The following CCSER1 variants were observed in gnomAD, a reference collection of about 807,000 sequenced individuals.
CCSER1 encodes the protein serine-rich coiled-coil domain-containing protein 1.
A neutral mutation model predicts 82.0 loss-of-function variants in CCSER1; 41 were observed. The observed-to-expected ratio is 0.50, with a 90% CI of 0.39 to 0.65. The LOEUF (loss-of-function observed/expected upper bound fraction) is 0.65. CCSER1 is among the 30% of genes least tolerant of loss of function. The probability of loss-of-function intolerance (pLI) is 0.00; values close to 1 mark genes in which losing one functional copy is unlikely to be tolerated. For synonymous variants in CCSER1, 414 were observed against 383.9 expected, an observed-to-expected ratio of 1.08 and a Z score of -0.92; for missense variants, 1,119 against 1,064.2, an observed-to-expected ratio of 1.05 and a Z score of -0.72.
chr4:91,087,523 TTTAAA>T (rs776323735), intron 10 of CCSER1, among the ~76,000 whole-genome samples: 3 of 152,140 alleles, frequency 2.0e-5, no homozygotes, highest in Non-Finnish European at 4.4e-5. Context: ...GTAAAATGTG[TTTAAA>T]TTAATTTTAG....
intron 5 of CCSER1, among the ~76,000 whole-genome samples, chr4:90,552,912 AAGAGT>A (rs1300687329): frequency 1.3e-5 from 2 of 152,222 alleles, no homozygotes; most frequent in African/African-American, 4.8e-5. Flanking sequence ...ATTTAACTTA[AAGAGT>A]AATCTCTGAA....
intron 5 of CCSER1, among the ~76,000 whole-genome samples, chr4:90,546,835 C>T (rs1776821827): frequency 6.6e-6 from 1 of 152,046 alleles, no homozygotes; most frequent in Admixed American, 6.6e-5. Context: ...TACTACAATA[C>T]ATCAGCAAAT....
intron 4 of CCSER1, among the ~76,000 whole-genome samples, chr4:90,455,948 A>C (rs911186127): frequency 7.9e-5 from 12 of 152,114 alleles, no homozygotes; most frequent in African/African-American, 2.7e-4. Context: ...TAAACTTGGG[A>C]CAAAAAAATG....
intron 10 of CCSER1, among the ~76,000 whole-genome samples, chr4:91,453,415 A>G (rs1056555687): frequency 6.6e-6 from 1 of 152,006 alleles, no homozygotes; most frequent in East Asian, 1.9e-4. Flanking sequence ...GGGTCTCTCA[A>G]GACTGCTTCC....
At chr4:90,525,180 G>C (rs1436410462) in intron 5 of CCSER1, among the ~76,000 whole-genome samples, 2 of 151,862 alleles carry the variant, frequency 1.3e-5, no homozygotes, top group African/African-American at 2.4e-5. Context: ...AATAAAAACA[G>C]TGCTTAAAAT....
At chr4:90,216,096 A>G (rs760479227) in intron 1 of CCSER1, among the ~76,000 whole-genome samples, 3 of 152,202 alleles carry the variant, frequency 2.0e-5, no homozygotes, top group African/African-American at 4.8e-5. Context: ...AACTTTTTAT[A>G]TAACACAGAC....
At chr4:90,401,337 A>C (rs1304320730) in intron 4 of CCSER1, among the ~76,000 whole-genome samples, 3 of 152,196 alleles carry the variant, frequency 2.0e-5, no homozygotes, top group Non-Finnish European at 4.4e-5. Flanking sequence ...ATTCTATGAT[A>C]CTGGCAAAAG....
chr4:90,617,064 T>G (rs1045103352), intron 5 of CCSER1, among the ~76,000 whole-genome samples: 1 of 152,186 alleles, frequency 6.6e-6, no homozygotes, highest in Non-Finnish European at 1.5e-5. Context: ...AAAGGTGACA[T>G]AATTTAAAAT....
At chr4:91,404,228 T>G (rs1049525162) in intron 10 of CCSER1, among the ~76,000 whole-genome samples, 3 of 152,092 alleles carry the variant, frequency 2.0e-5, no homozygotes, top group African/African-American at 7.2e-5. Flanking sequence ...TATTTCTGTG[T>G]GATCGGTGGT....
chr4:91,518,764 A>C (rs1056647549), intron 10 of CCSER1, among the ~76,000 whole-genome samples: 1 of 152,192 alleles, frequency 6.6e-6, no homozygotes, highest in South Asian at 2.1e-4. Context: ...TGGCAGTGGC[A>C]GAAGGGTTGT....
intron 9 of CCSER1, among the ~76,000 whole-genome samples, chr4:90,948,107 G>T (rs34473363): frequency 0.073 from 11,136 of 151,852 alleles, 396 homozygotes; most frequent in Middle Eastern, 0.099. Context: ...AGTGTTGAGT[G>T]TAAAGTGAAA....
intron 10 of CCSER1, among the ~76,000 whole-genome samples, chr4:91,357,121 C>A (rs1009696312): frequency 1.3e-5 from 2 of 152,120 alleles, no homozygotes; most frequent in African/African-American, 4.8e-5. Context: ...CTTTCTTGAT[C>A]CTCTAGTAAA....
intron 10 of CCSER1, among the ~76,000 whole-genome samples, chr4:91,230,553 A>C (rs1465987277): frequency 6.6e-6 from 1 of 152,050 alleles, no homozygotes; most frequent in Admixed American, 6.6e-5. Context: ...AGATTTTTAA[A>C]ATTACTTTTT....
At chr4:91,248,428 A>G (rs566621508) in intron 10 of CCSER1, among the ~76,000 whole-genome samples, 2 of 152,342 alleles carry the variant, frequency 1.3e-5, no homozygotes, top group South Asian at 4.1e-4. Flanking sequence ...ATGTCAACAT[A>G]AACAACGTTG....
intron 10 of CCSER1, among the ~76,000 whole-genome samples, chr4:91,266,603 G>A (rs1310665215): frequency 6.6e-6 from 1 of 152,102 alleles, no homozygotes; most frequent in Non-Finnish European, 1.5e-5. Flanking sequence ...CAAGAAAGAG[G>A]AAGAGAGGCA....
intron 10 of CCSER1, among the ~76,000 whole-genome samples, chr4:91,461,386 G>A (rs982850981): frequency 4.6e-5 from 7 of 152,126 alleles, no homozygotes; most frequent in African/African-American, 1.7e-4. Context: ...GAAGTTAGTA[G>A]AGTACCTAAG....
At chr4:90,976,380 A>C (rs1226696031) in intron 9 of CCSER1, among the ~76,000 whole-genome samples, 1 of 151,298 alleles carries the variant, frequency 6.6e-6, no homozygotes, top group Non-Finnish European at 1.5e-5. Flanking sequence ...TTTGTATGTA[A>C]AATTTTAAAA....
intron 1 of CCSER1, among the ~76,000 whole-genome samples, chr4:90,265,997 A>T (rs1009871565): frequency 7.9e-5 from 12 of 152,170 alleles, no homozygotes; most frequent in African/African-American, 2.9e-4. Flanking sequence ...TTGCAGCAAG[A>T]TGTTTAACTG....
Position 91,354,733 on chromosome 4 carries a change from C to T in CCSER1, c.2218-243839C>T, listed in dbSNP as rs186299946. Reference sequence around the variant, plus strand: ...TCATCAGGAACTGGATCTGTAGGAACTAATTATTGGGCTTCCCATGGCCAT... The same window carrying T: ...TCATCAGGAACTGGATCTGTAGGAATTAATTATTGGGCTTCCCATGGCCAT... On this transcript the variant is annotated intron_variant, in intron 10 of 10. Coordinates refer to ENST00000509176, the MANE Select transcript of CCSER1 (RefSeq NM_001145065.2). 4.5e-3 allele frequency among the ~76,000 whole-genome samples: 682 copies of T among 152,290 alleles called. 4 individuals are homozygous for T. The highest frequency in any genetic ancestry group is 0.02 in the Middle Eastern group (6 of 294).
Sources: allele counts gnomAD v4.1 joint callset (sites outside exome capture counted in the v4.1 genomes callset), GRCh38; gene constraint gnomAD v4.1.1; transcripts MANE v1.5; gene names NCBI Gene and HGNC (gene_info 2026-07-23, HGNC 2026-07-21).